The following NCALD variants were observed in gnomAD, a reference collection of about 807,000 sequenced individuals.
NCALD encodes the protein neurocalcin delta, also known as neurocalcin-delta.
NCALD carries 10 observed loss-of-function variants against 18.6 expected under a neutral mutation model. The ratio of observed to expected loss-of-function variants is 0.54; its 90% confidence interval spans 0.33 to 0.91. The LOEUF (loss-of-function observed/expected upper bound fraction) is 0.91. Ranked by LOEUF, NCALD falls within the 40% of genes least tolerant of loss-of-function variation. The probability of loss-of-function intolerance (pLI) is 0.03; values close to 1 mark genes in which losing one functional copy is unlikely to be tolerated. For missense variants in NCALD, 184 were observed against 247.6 expected, an observed-to-expected ratio of 0.74 and a Z score of 1.72; for synonymous variants, 88 against 87.4, an observed-to-expected ratio of 1.01 and a Z score of -0.04.
At chr8:101,940,815 G>T (rs2131750103) in intron 2 of NCALD, among the ~76,000 whole-genome samples, 1 of 152,252 alleles carries the variant, frequency 6.6e-6, no homozygotes, top group African/African-American at 2.4e-5. Flanking sequence ...CTAAGCTAAA[G>T]GTGCATCACA....
chr8:101,864,097 C>G (rs1200225810), intron 4 of NCALD, among the ~76,000 whole-genome samples: 2 of 152,196 alleles, frequency 1.3e-5, no homozygotes, highest in Non-Finnish European at 2.9e-5. Context: ...TACATACTTT[C>G]CAAAGCATTT....
At chr8:102,002,001 G>C (rs1473155155) in intron 2 of NCALD, among the ~76,000 whole-genome samples, 1 of 152,154 alleles carries the variant, frequency 6.6e-6, no homozygotes, top group Non-Finnish European at 1.5e-5. Context: ...ACATCATAAT[G>C]ACAGGATCAA....
chr8:102,004,625 A>C (rs1259905139), intron 2 of NCALD, among the ~76,000 whole-genome samples: 1 of 152,170 alleles, frequency 6.6e-6, no homozygotes, highest in Non-Finnish European at 1.5e-5. Flanking sequence ...CCTGACTTCA[A>C]ACTATACTAC....
At chr8:101,969,444 T>C (rs1003296424) in intron 2 of NCALD, among the ~76,000 whole-genome samples, 1 of 152,204 alleles carries the variant, frequency 6.6e-6, no homozygotes, top group African/African-American at 2.4e-5. Flanking sequence ...TCAACATAAT[T>C]TTTAGCTTTT....
chr8:101,811,762 G>C (rs1813313753), intron 4 of NCALD, among the ~76,000 whole-genome samples: 1 of 152,038 alleles, frequency 6.6e-6, no homozygotes, highest in Admixed American at 6.6e-5. Context: ...CCTACTGCAG[G>C]GTCTTCACAA....
rs57126471 is a variant in NCALD, at chr8:102,111,412, A to ATGTGTGTGTG, written c.-210+12815_-210+12824dup. On this transcript the variant is annotated intron_variant, in intron 1 of 6. Coordinates refer to the NCALD transcript ENST00000311028. The stretch of plus-strand genomic sequence containing the variant: ...AAATTTAGATCATATGTCTAAAGAG[A>ATGTGTGTGTG]TGTGTGTGTGTGTGTGTGTGTGTGT... Among the ~76,000 whole-genome samples, 1,452 of 147,720 alleles carry ATGTGTGTGTG rather than the reference A, an allele frequency of 9.8e-3. 9 individuals are homozygous for ATGTGTGTGTG. Among genetic ancestry groups the ATGTGTGTGTG allele is most frequent in the Middle Eastern group, 0.024 (7 of 290 alleles).
intron 4 of NCALD, among the ~76,000 whole-genome samples, chr8:101,877,781 T>G (rs568637780): frequency 6.6e-6 from 1 of 152,280 alleles, no homozygotes; most frequent in Admixed American, 6.5e-5. Flanking sequence ...TAAGTTGATA[T>G]ATATAAAGTA....
chr8:102,054,660 C>CAATAGATA (rs59558185), intron 1 of NCALD, among the ~76,000 whole-genome samples: 3,227 of 142,378 alleles, frequency 0.023, 86 homozygotes, highest in East Asian at 0.078. Context: ...CTTTCTCTTC[C>CAATAGATA]GATAGATAGA....
chr8:101,761,677 C>T (rs1811114503), intron 1 of NCALD, among the ~76,000 whole-genome samples: 1 of 152,160 alleles, frequency 6.6e-6, no homozygotes, highest in African/African-American at 2.4e-5. Context: ...TAATCAGGGA[C>T]TTATTTGTTT....
intron 3 of NCALD, chr8:101,692,079 A>T: frequency 1.0e-6 from 1 of 959,410 alleles, no homozygotes; most frequent in Non-Finnish European, 1.2e-6. Flanking sequence ...TTGTTAGGCT[A>T]ATCCTAACAA....
At chr8:101,880,724 T>G (rs1816460259) in intron 4 of NCALD, among the ~76,000 whole-genome samples, 1 of 152,218 alleles carries the variant, frequency 6.6e-6, no homozygotes, top group South Asian at 2.1e-4. Context: ...TAAGAAAATT[T>G]GAGAATGTTT....
At chr8:101,808,574 T>C (rs1399651772) in intron 4 of NCALD, among the ~76,000 whole-genome samples, 1 of 152,190 alleles carries the variant, frequency 6.6e-6, no homozygotes, top group Admixed American at 6.5e-5. Context: ...TGTGGCTTTA[T>C]GATTAAGAAC....
intron 1 of NCALD, among the ~76,000 whole-genome samples, chr8:101,731,883 C>T (rs1490783973): frequency 1.3e-5 from 2 of 152,190 alleles, no homozygotes; most frequent in East Asian, 3.8e-4. Flanking sequence ...GGTCACATTC[C>T]AGGCCTACAG....
At chr8:101,806,976 A>G (rs1813125943) in intron 4 of NCALD, among the ~76,000 whole-genome samples, 1 of 152,134 alleles carries the variant, frequency 6.6e-6, no homozygotes, top group South Asian at 2.1e-4. Flanking sequence ...AGCAGAAACA[A>G]TGGAGGCCAG....
At chr8:101,856,318 G>A (rs574785339) in intron 4 of NCALD, among the ~76,000 whole-genome samples, 24 of 152,038 alleles carry the variant, frequency 1.6e-4, no homozygotes, top group Non-Finnish European at 3.1e-4. Context: ...GACCACAGGC[G>A]CACGCCACCA....
chr8:102,008,904 A>C (rs536879498), intron 2 of NCALD, among the ~76,000 whole-genome samples: 4,031 of 24,198 alleles, frequency 0.17, no homozygotes, highest in African/African-American at 0.18. Flanking sequence ...CCCCACCTCC[A>C]CCCCCGCCCC....
chr8:101,920,686 T>C (rs1041237922), intron 2 of NCALD, among the ~76,000 whole-genome samples: 1 of 151,926 alleles, frequency 6.6e-6, no homozygotes, highest in African/African-American at 2.4e-5. Flanking sequence ...TTGGTACACA[T>C]GGACATAAAA....
chr8:102,077,478 TA>T (rs1824385973), intron 1 of NCALD, among the ~76,000 whole-genome samples: 1 of 152,000 alleles, frequency 6.6e-6, no homozygotes, highest in African/African-American at 2.4e-5. Context: ...AGGGAACTAA[TA>T]AAAAGTCTGT....
chr8:101,909,742 T>G (rs1817725919), intron 3 of NCALD, among the ~76,000 whole-genome samples: 1 of 152,190 alleles, frequency 6.6e-6, no homozygotes, highest in African/African-American at 2.4e-5. Flanking sequence ...AACCCAGGAT[T>G]ATGTGATTAG....
Sources: allele counts gnomAD v4.1 joint callset (sites outside exome capture counted in the v4.1 genomes callset), GRCh38; gene constraint gnomAD v4.1.1; transcripts MANE v1.5; gene names NCBI Gene and HGNC (gene_info 2026-07-23, HGNC 2026-07-21).